Variants in STAB2 observed in about 807,000 individuals in gnomAD.
The protein encoded by STAB2 is stabilin-2.
A neutral mutation model predicts 338.1 loss-of-function variants in STAB2; 288 were observed. That is an observed-to-expected ratio of 0.85 (90% confidence interval 0.77 to 0.94). The LOEUF is 0.94. Ranked by LOEUF, STAB2 falls within the 40% of genes least tolerant of loss-of-function variation. The pLI is 0.00. For missense variants in STAB2, 3,141 were observed against 3,210.1 expected (o/e 0.98, Z 0.52); for synonymous variants, 1,202 against 1,193.3 (o/e 1.01, Z -0.15).
intron 63 of STAB2, among the ~76,000 whole-genome samples, chr12:103,757,263 CT>C (rs925842353): frequency 8.6e-5 from 13 of 151,304 alleles, no homozygotes; most frequent in African/African-American, 2.9e-4. Flanking sequence ...AATTTTTTAA[CT>C]TTTTGTAGAG....
In STAB2 at chr12:103,664,452, C is replaced by T. The variant is rs565094888; in HGVS notation, c.2022+1454C>T. ...AGCCACCGCCCCTGGCCAGTTCAGCCGGTTTTAATCAAAGCACCTGAAATT... is the reference window on the plus strand; with the variant it reads ...AGCCACCGCCCCTGGCCAGTTCAGCTGGTTTTAATCAAAGCACCTGAAATT... On this transcript the variant is annotated intron_variant, in intron 18 of 68. Coordinates refer to ENST00000388887, the MANE Select transcript of STAB2 (RefSeq NM_017564.10). 1.4e-4 allele frequency among the ~76,000 whole-genome samples: 22 copies of T among 152,286 alleles called. No individual in the cohort carries two copies. The South Asian group carries it at 3.1e-3, about 22-fold the overall frequency.
chr12:103,735,118 T>C (rs1396524224), intron 51 of STAB2, among the ~76,000 whole-genome samples: 4 of 152,160 alleles, frequency 2.6e-5, no homozygotes, highest in Admixed American at 2.6e-4. Context: ...GACTTCAACA[T>C]AACTCTTTGA....
In STAB2 at chr12:103,645,948, G is replaced by A. The variant is rs1012858678; in HGVS notation, c.1041-2742G>A. On this transcript the variant is annotated intron_variant, in intron 9 of 68. Coordinates refer to ENST00000388887, the MANE Select transcript of STAB2 (RefSeq NM_017564.10). ...CCAATTCTTCATAAAAACCCCAAAG[G>A]CTTCATCAGTAAATGATCCCCCAAG... Among the ~76,000 whole-genome samples, 25 of 152,172 alleles carry A rather than the reference G, an allele frequency of 1.6e-4. 1 individual carries two copies. Among genetic ancestry groups the A allele is most frequent in the Admixed American group, 5.9e-4 (9 of 15,282 alleles).
chr12:103,651,282 T>C (rs1438928386), intron 11 of STAB2, among the ~76,000 whole-genome samples: 2 of 151,890 alleles, frequency 1.3e-5, no homozygotes, highest in Non-Finnish European at 2.9e-5. Context: ...ACCTTTACCA[T>C]CTAACATGTG....
chr12:103,703,386 A>T, intron 35 of STAB2, 110 bp downstream of exon 35: 5 of 1,332,822 alleles, frequency 3.8e-6, no homozygotes, highest in Non-Finnish European at 5.1e-6. Context: ...TTCAGTCCAT[A>T]AACCACTGAA....
chr12:103,629,459 C>A (rs745905092), intron 5 of STAB2, among the ~76,000 whole-genome samples: 1 of 152,158 alleles, frequency 6.6e-6, no homozygotes, highest in Non-Finnish European at 1.5e-5. Flanking sequence ...AGCTGTCAGG[C>A]ATTAACAAAC....
chr12:103,621,931 C>T lies in STAB2; in HGVS notation c.418-111C>T. 3 of 943,028 alleles carry T rather than the reference C, an allele frequency of 3.2e-6. No individual in the cohort carries two copies. In the South Asian group the frequency reaches 4.6e-5, roughly 15 times the overall value. The allele number at this position is 943,028 out of a possible 1,614,324, so 58.4% of individuals were successfully genotyped here. On this transcript the variant is annotated intron_variant, in intron 4 of 68. Transcript: ENST00000388887. ...CAGAAAGAAGAAGCTCCAGGATAGG[C>T]ACAGAGGGAAAATATATTTGAAAAA... is the stretch of plus-strand genomic sequence containing the variant.
At chr12:103,679,355 C>A (rs534103726) in intron 25 of STAB2, among the ~76,000 whole-genome samples, 29 of 150,352 alleles carry the variant, frequency 1.9e-4, no homozygotes, top group African/African-American at 4.9e-4. Context: ...GCAACAAGAG[C>A]AAAACTCTGT....
intron 3 of STAB2, among the ~76,000 whole-genome samples, chr12:103,594,902 ATAAT>A (rs1452360005): frequency 6.6e-6 from 1 of 152,216 alleles, no homozygotes; most frequent in Non-Finnish European, 1.5e-5. Context: ...AACCAAAATA[ATAAT>A]TAAATATTCT....
chr12:103,648,620 G>C (rs1008720344), intron 9 of STAB2, 70 bp from the exon 10 acceptor site: 2 of 1,571,528 alleles, frequency 1.3e-6, no homozygotes, highest in Non-Finnish European at 1.7e-6. Context: ...TCAATGAGGG[G>C]ATTGGACTGT....
chr12:103,761,297 T>C lies in STAB2; in HGVS notation c.7249-3T>C, dbSNP rs55724382. 179,951 of 1,613,670 alleles carry C rather than the reference T, an allele frequency of 0.11. 12,158 individuals are homozygous for C. The highest frequency in any genetic ancestry group is 0.31 in the East Asian group (13,801 of 44,852). On this transcript the variant is annotated splice_polypyrimidine_tract_variant and splice_region_variant and intron_variant, in intron 65 of 68. Transcript: ENST00000388887. ...GCCATCAACCCTCTTCTCATTTCCC[T>C]AGACGGAGACCAGGTTTGTTGATGG...
chr12:103,620,470 T>G lies in STAB2; in HGVS notation c.334T>G (p.Cys112Gly). 6.3e-7 allele frequency: 1 copy of G among 1,579,392 alleles called. No homozygotes were observed. The highest frequency in any genetic ancestry group is 8.6e-7 in the Non-Finnish European group (1 of 1,161,142). The change falls in exon 4 of 69, where the codon TGC becomes GGC. Residue 112 changes from cysteine to glycine, a missense_variant and splice_region_variant. Transcript: ENST00000388887. ...ATCTGAGCTGTTTGATTCCCTAGAG[T>G]GCCCAGGTGGAGCGGGGTCACCCTG... ...PGRWGPDCIE[C>G]PGGAGSPCNG...
intron 6 of STAB2, among the ~76,000 whole-genome samples, chr12:103,634,699 T>G (rs1957516085): frequency 6.6e-6 from 1 of 152,226 alleles, no homozygotes; most frequent in Non-Finnish European, 1.5e-5. Flanking sequence ...TAGTTCTCAC[T>G]CATGTAACAG....
At chr12:103,754,226 G>A (rs1235466435) in intron 61 of STAB2, among the ~76,000 whole-genome samples, 2 of 151,952 alleles carry the variant, frequency 1.3e-5, no homozygotes, top group Non-Finnish European at 2.9e-5. Context: ...CCTGCTTGCT[G>A]GTCATGTGGC....
intron 48 of STAB2, among the ~76,000 whole-genome samples, chr12:103,729,455 G>A (rs1175664254): frequency 6.6e-6 from 1 of 151,986 alleles, no homozygotes; most frequent in Non-Finnish European, 1.5e-5. Flanking sequence ...TACGTTAAGT[G>A]ATTTCTGTAT....
intron 29 of STAB2, 150 bp downstream of exon 29, chr12:103,690,132 G>C: frequency 8.4e-7 from 1 of 1,191,900 alleles, no homozygotes; most frequent in East Asian, 2.5e-5. Flanking sequence ...CCCCAGGATA[G>C]TAATAGTCAA....
chr12:103,657,737 A>G (rs2138756553), intron 15 of STAB2: 1 of 152,280 alleles, frequency 6.6e-6, no homozygotes, highest in South Asian at 2.1e-4. Flanking sequence ...CTGCTTTTCC[A>G]TTTCAATTTC....
chr12:103,753,256 T>C lies in STAB2; in HGVS notation c.6617T>C (p.Leu2206Pro). The C allele has an allele frequency of 1.2e-6, 2 of 1,614,236 alleles. No individual in the cohort carries two copies. Among genetic ancestry groups the C allele is most frequent in the East Asian group, 2.2e-5 (1 of 44,888 alleles). ...GGGGTGTTCCATCTACGCTCCCCAC[T>C]GGGCCAGTATAAGCTGACCTTTGAC... ...TVGVFHLRSP[L>P]GQYKLTFDKA... The change falls in exon 61 of 69, where the codon CTG becomes CCG. Residue 2206 changes from leucine to proline, a missense_variant. Leu to Pro is a moderately conservative substitution (Grantham distance 98). Coordinates refer to ENST00000388887, the MANE Select transcript of STAB2 (RefSeq NM_017564.10).
chr12:103,639,169 A>G (rs1957599510), intron 8 of STAB2, among the ~76,000 whole-genome samples: 1 of 152,222 alleles, frequency 6.6e-6, no homozygotes, highest in African/African-American at 2.4e-5. Flanking sequence ...CATGTGAGAT[A>G]AAAGATATGC....
Sources: gnomAD v4.1 joint callset for allele counts (sites outside exome capture counted in the v4.1 genomes callset) on GRCh38, gnomAD v4.1.1 for gene constraint, MANE v1.5 for transcripts, NCBI Gene and HGNC (gene_info 2026-07-23, HGNC 2026-07-21) for gene names.